ARMH4: variants seen among roughly 807,000 people sequenced by gnomAD.
ARMH4 encodes armadillo like helical domain containing 4.
A neutral mutation model predicts 61.9 loss-of-function variants in ARMH4; 49 were observed. That is an observed-to-expected ratio of 0.79 (90% CI 0.63 to 1.00). The LOEUF (loss-of-function observed/expected upper bound fraction) is 1.00, where lower values mean the gene tolerates loss of function less well. Among genes scored for constraint, ARMH4 ranks in the 50% least tolerant of loss-of-function variants. The probability of loss-of-function intolerance (pLI) is 0.00; values close to 1 mark genes in which losing one functional copy is unlikely to be tolerated. For missense variants in ARMH4, 934 were observed against 930.0 expected (o/e 1.00, Z -0.06); for synonymous variants, 368 against 341.5 (o/e 1.08, Z -0.85).
chr14:58,136,681 A>G (rs1022438653), intron 2 of ARMH4, among the ~76,000 whole-genome samples: 1 of 152,202 alleles, frequency 6.6e-6, no homozygotes, highest in African/African-American at 2.4e-5. Context: ...ACATGTTCCA[A>G]AACAATTTGG....
intron 4 of ARMH4, among the ~76,000 whole-genome samples, chr14:58,103,610 A>C (rs1886074810): frequency 6.8e-6 from 1 of 146,946 alleles, no homozygotes; most frequent in African/African-American, 2.5e-5. Flanking sequence ...TTTTTTTTGG[A>C]TGTAGTCTTG....
At chr14:58,136,247 C>G (rs1798503683) in intron 2 of ARMH4, among the ~76,000 whole-genome samples, 1 of 152,088 alleles carries the variant, frequency 6.6e-6, no homozygotes, top group African/African-American at 2.4e-5. Context: ...AGGAAATTAC[C>G]AATTCCATTT....
rs1882117916 is a variant in ARMH4, at chr14:58,005,158, C to A, written c.2146G>T (p.Val716Leu). The A allele has an allele frequency of 1.2e-6, 2 of 1,613,960 alleles. No individual in the cohort carries two copies. The highest frequency in any genetic ancestry group is 1.7e-6 in the Non-Finnish European group (2 of 1,179,916). Residue 716 changes from valine to leucine, a missense_variant, in exon 7 of 8, where the codon GTG (valine) becomes TTG (leucine). Physicochemically the swap from Val to Leu is conservative, Grantham distance 32. Transcript: ENST00000267485. ...DKAGYMSGML[V>L]PVGVGIAGAL... ...CCAGCTATCCCAACCCCTACAGGCA[C>A]CAGCATCCCAGACATGTAACCAGCC...
At chr14:58,071,994 C>G (rs1309412722) in intron 5 of ARMH4, among the ~76,000 whole-genome samples, 1 of 152,150 alleles carries the variant, frequency 6.6e-6, no homozygotes, top group African/African-American at 2.4e-5. Flanking sequence ...CATCTCTGAC[C>G]CCTCAACTCA....
At chr14:58,053,126 G>A (rs1444527149) in intron 5 of ARMH4, among the ~76,000 whole-genome samples, 1 of 152,080 alleles carries the variant, frequency 6.6e-6, no homozygotes, top group African/African-American at 2.4e-5. Context: ...AGTCTATTGT[G>A]ACAAGCTCCT....
At chr14:58,012,011 T>G (rs2141133643) in intron 6 of ARMH4, 108 bp downstream of exon 6, 1 of 783,556 alleles carries the variant, frequency 1.3e-6, no homozygotes, top group South Asian at 1.8e-5. Context: ...TTAGATAGAT[T>G]ACCAGAATCA....
rs574934846 is a variant in ARMH4 at position 58,128,447 on chromosome 14, C to G, written c.1831+3065G>C. Reference sequence around the variant, plus strand: ...TATTTCAAAGCTGCTAAATACAGCCCTCGTAGAGGTATGCCTGAAATGAGT... The same window carrying G: ...TATTTCAAAGCTGCTAAATACAGCCGTCGTAGAGGTATGCCTGAAATGAGT... On this transcript the variant is annotated intron_variant, in intron 4 of 7. Coordinates refer to ENST00000267485, the MANE Select transcript of ARMH4 (RefSeq NM_001001872.4). Among the ~76,000 whole-genome samples, 6 of 152,162 alleles carry G rather than the reference C, an allele frequency of 3.9e-5. No homozygotes were observed. The South Asian group carries it at 1.2e-3, about 32-fold the overall frequency.
chr14:58,119,698 C>G (rs1886656567), intron 4 of ARMH4, among the ~76,000 whole-genome samples: 1 of 152,162 alleles, frequency 6.6e-6, no homozygotes, highest in Non-Finnish European at 1.5e-5. Flanking sequence ...ATAGAAATAT[C>G]TAGTTTACTG....
chr14:58,151,311 C>T (rs1162617800), intron 1 of ARMH4, among the ~76,000 whole-genome samples: 1 of 152,138 alleles, frequency 6.6e-6, no homozygotes, highest in East Asian at 1.9e-4. Flanking sequence ...GGAATCTACA[C>T]AAGTCAGATT....
At chr14:58,119,899 C>T (rs1485543462) in intron 4 of ARMH4, among the ~76,000 whole-genome samples, 1 of 152,052 alleles carries the variant, frequency 6.6e-6, no homozygotes, top group East Asian at 1.9e-4. Flanking sequence ...ATTCACCACT[C>T]TTTAGAATTT....
At chr14:58,039,640 A>G (rs1430224872) in intron 5 of ARMH4, among the ~76,000 whole-genome samples, 2 of 152,218 alleles carry the variant, frequency 1.3e-5, no homozygotes, top group African/African-American at 4.8e-5. Context: ...CTGGAGTAAA[A>G]GAACAGGGCT....
At chr14:58,058,521 C>A (rs1244578823) in intron 5 of ARMH4, among the ~76,000 whole-genome samples, 1 of 152,104 alleles carries the variant, frequency 6.6e-6, no homozygotes, top group Admixed American at 6.5e-5. Flanking sequence ...GTGAGCAATT[C>A]CAGGAACTGA....
intron 5 of ARMH4, among the ~76,000 whole-genome samples, chr14:58,026,562 T>A (rs1319798097): frequency 6.6e-6 from 1 of 152,142 alleles, no homozygotes; most frequent in Non-Finnish European, 1.5e-5. Context: ...TAACAGAAAG[T>A]TTACTGCTTT....
At chr14:58,147,464 G>C (rs6650510) in intron 1 of ARMH4, among the ~76,000 whole-genome samples, 2 of 151,978 alleles carry the variant, frequency 1.3e-5, no homozygotes, top group Non-Finnish European at 2.9e-5. Flanking sequence ...ACAGGCGCAC[G>C]CCACCACGCC....
Position 58,018,476 on chromosome 14 carries a change from A to G in ARMH4, c.2090-6326T>C, listed in dbSNP as rs548615702. ...ACTGAATAGACATTTCTCAAAAAAA[A>G]AAAAGACAAACTAATGGTCAAAAAG... is the stretch of plus-strand genomic sequence containing the variant. On this transcript the variant is annotated intron_variant, in intron 5 of 7. Transcript: ENST00000267485. Among the ~76,000 whole-genome samples, 43 of 152,270 alleles carry G rather than the reference A, an allele frequency of 2.8e-4. No homozygotes were observed. The East Asian group carries it at 7.9e-3, about 28-fold the overall frequency.
intron 3 of ARMH4, 106 bp downstream of exon 3, chr14:58,132,984 C>T (rs1018650551): frequency 8.2e-6 from 10 of 1,216,410 alleles, no homozygotes; most frequent in South Asian, 4.1e-5. Flanking sequence ...CGTGCACGCA[C>T]GCGCGCGCTG....
At chr14:58,108,010 G>C (rs189830262) in intron 4 of ARMH4, among the ~76,000 whole-genome samples, 19 of 152,258 alleles carry the variant, frequency 1.2e-4, no homozygotes, top group Middle Eastern at 6.8e-3. Flanking sequence ...CACCTATAAA[G>C]TGACTGAAGC....
chr14:58,122,601 G>A (rs547545413), intron 4 of ARMH4, among the ~76,000 whole-genome samples: 102 of 152,062 alleles, frequency 6.7e-4, no homozygotes, highest in African/African-American at 2.4e-3. Flanking sequence ...CAGGAGGAGC[G>A]GTGGAACAGG....
intron 5 of ARMH4, among the ~76,000 whole-genome samples, chr14:58,012,898 G>C (rs1882458323): frequency 6.6e-6 from 1 of 152,110 alleles, no homozygotes; most frequent in Non-Finnish European, 1.5e-5. Context: ...ATATGTGTTA[G>C]AATGGCCACG....
Sources: allele counts gnomAD v4.1 joint callset (sites outside exome capture counted in the v4.1 genomes callset), GRCh38; gene constraint gnomAD v4.1.1; transcripts MANE v1.5; gene names NCBI Gene and HGNC (gene_info 2026-07-23, HGNC 2026-07-21).